The following FLYWCH1 variants were observed in gnomAD, a reference collection of about 807,000 sequenced individuals.
FLYWCH1 encodes the protein FLYWCH-type zinc finger-containing protein 1.
FLYWCH1 carries 75 observed loss-of-function variants against 66.4 expected under a neutral mutation model. The observed-to-expected ratio is 1.13, with a 90% CI of 0.94 to 1.37. FLYWCH1 has a LOEUF of 1.37. Ranked by LOEUF, FLYWCH1 falls within the 40% of genes most tolerant of loss-of-function variation. The probability of loss-of-function intolerance (pLI) is 0.00; values close to 1 mark genes in which losing one functional copy is unlikely to be tolerated. For missense variants in FLYWCH1, 1,334 were observed against 1,001.8 expected (o/e 1.33, Z -4.48); for synonymous variants, 595 against 429.9 (o/e 1.38, Z -4.75).
At chr16:2,914,550 CTT>C (rs1007046035) in intron 2 of FLYWCH1, among the ~76,000 whole-genome samples, 17 of 152,128 alleles carry the variant, frequency 1.1e-4, no homozygotes, top group African/African-American at 4.1e-4. Context: ...TGAACTGAGA[CTT>C]TGGAGCTTTC....
At chr16:2,919,373 C>T (rs2070287350) in intron 2 of FLYWCH1, among the ~76,000 whole-genome samples, 1 of 151,460 alleles carries the variant, frequency 6.6e-6, no homozygotes, top group Non-Finnish European at 1.5e-5. Flanking sequence ...TCAAGCGATT[C>T]TCCTGCCTCA....
Position 2,948,974 on chromosome 16 carries a change from G to A in FLYWCH1, c.*247G>A, listed in dbSNP as rs561698612. 1.6e-3 allele frequency: 844 copies of A among 524,348 alleles called. 1 individual carries two copies. Among genetic ancestry groups the A allele is most frequent in the Middle Eastern group, 0.013 (24 of 1,884 alleles). The allele number at this position is 524,348 out of a possible 1,614,324, so 32.5% of individuals were successfully genotyped here. A position where few individuals can be genotyped will look rare whatever the true frequency, so the allele number is the denominator to read the frequency against. On this transcript the variant is annotated 3_prime_UTR_variant, in exon 10 of 10. Transcript: ENST00000253928. Reference sequence around the variant, plus strand: ...AGCTGTCGTGGGGCAGGGCGGTGGCGCCTTCCTGACCTTTGGAAGACATGA... The same window carrying A: ...AGCTGTCGTGGGGCAGGGCGGTGGCACCTTCCTGACCTTTGGAAGACATGA...
At chr16:2,941,460 C>T (rs1274413705) in intron 9 of FLYWCH1, among the ~76,000 whole-genome samples, 1 of 152,062 alleles carries the variant, frequency 6.6e-6, no homozygotes, top group East Asian at 1.9e-4. Flanking sequence ...CTGCCAAAAA[C>T]TCAGCCAGTC....
At position 2,930,464 on chromosome 16, in the gene FLYWCH1, T is replaced by C; in HGVS notation, c.380T>C (p.Val127Ala). The part of the protein sequence containing the change: ...LRTPFGGRLL[V>A]LESFLYKQEK... ...ACACCATTCGGGGGCCGCCTCCTGG[T>C]GCTGGAGTCCTTCCTGTACAAGCAG... is the stretch of plus-strand genomic sequence containing the variant. Residue 127 changes from valine (V) to alanine (A), a missense_variant, in exon 4 of 10, where the codon GTG becomes GCG. Val to Ala is a moderately conservative substitution (Grantham distance 64, BLOSUM62 0). Coordinates refer to ENST00000253928, the MANE Select transcript of FLYWCH1 (RefSeq NM_001308068.2). 2 of 1,509,590 alleles carry C rather than the reference T, an allele frequency of 1.3e-6. No homozygotes were observed. The highest frequency in any genetic ancestry group is 1.8e-6 in the Non-Finnish European group (2 of 1,131,790). The allele number at this position is 1,509,590 out of a possible 1,614,324, so 93.5% of individuals were successfully genotyped here. A position where few individuals can be genotyped will look rare whatever the true frequency, so the allele number is the denominator to read the frequency against.
rs543447250 is a variant in FLYWCH1, at chr16:2,921,830, A to G, written c.-74+7541A>G. ...TGTAATCCCAGCACTTTGGGAGGCC[A>G]AGACAGGCAGATCATGAGGTCGGAA... On this transcript the variant is annotated intron_variant, in intron 2 of 9. Transcript: ENST00000253928. Among the ~76,000 whole-genome samples the G allele has an allele frequency of 2.0e-5, 3 of 152,162 alleles. No homozygotes were observed. The South Asian group carries it at 6.2e-4, about 32-fold the overall frequency.
At chr16:2,924,253 C>G (rs1310060175) in intron 2 of FLYWCH1, among the ~76,000 whole-genome samples, 1 of 151,896 alleles carries the variant, frequency 6.6e-6, no homozygotes, top group Non-Finnish European at 1.5e-5. Context: ...TGGCGTGAAC[C>G]CGGGAGGCGG....
intron 2 of FLYWCH1, chr16:2,922,401 C>T (rs2070405246): frequency 1.1e-5 from 2 of 187,648 alleles, no homozygotes; most frequent in Admixed American, 5.6e-5. Flanking sequence ...ATTGTTCATC[C>T]GTCACCACCG....
intron 2 of FLYWCH1, among the ~76,000 whole-genome samples, chr16:2,926,869 G>A (rs1417346061): frequency 2.0e-5 from 3 of 152,150 alleles, no homozygotes; most frequent in Admixed American, 6.5e-5. Flanking sequence ...CTCCTCCCGT[G>A]GTTCAGATAC....
Position 2,933,181 on chromosome 16 carries a change from T to G in FLYWCH1, c.848T>G (p.Leu283Arg), listed in dbSNP as rs2077734691. 6.2e-7 allele frequency: 1 copy of G among 1,613,694 alleles called. No homozygotes were observed. Among genetic ancestry groups the G allele is most frequent in the African/African-American group, 1.3e-5 (1 of 74,954 alleles). The change falls in exon 5 of 10, where the codon CTG becomes CGG. Residue 283 changes from leucine (L) to arginine (R), a missense_variant. By Grantham distance (102) the Leu-to-Arg change is moderately radical (BLOSUM62 -2). Coordinates refer to ENST00000253928, the MANE Select transcript of FLYWCH1 (RefSeq NM_001308068.2). ...FLRTCYGGSF[L>R]VHESFLYKRE... Reference sequence around the variant, plus strand: ...AGGACGTGCTACGGGGGCAGCTTCCTGGTACACGAGTCGTTCCTCTACAAG... The same window carrying G: ...AGGACGTGCTACGGGGGCAGCTTCCGGGTACACGAGTCGTTCCTCTACAAG...
rs550428106 is a variant in FLYWCH1 at position 2,951,048 on chromosome 16, G to A, written c.*2321G>A. 4 of 152,428 alleles carry A rather than the reference G, an allele frequency of 2.6e-5. No homozygotes were observed. The highest frequency in any genetic ancestry group is 9.6e-5 in the African/African-American group (4 of 41,586). 9.4% of individuals were successfully genotyped at this position (152,428 alleles called of 1,614,324 possible). On this transcript the variant is annotated 3_prime_UTR_variant, in exon 10 of 10. Coordinates refer to ENST00000253928, the MANE Select transcript of FLYWCH1 (RefSeq NM_001308068.2). ...GCGTGCAGCCCGGCAGCAGCTCAGCGGGGCAGCTCCTGCTTCCAGCCCTGC... is the reference window on the plus strand; with the variant it reads ...GCGTGCAGCCCGGCAGCAGCTCAGCAGGGCAGCTCCTGCTTCCAGCCCTGC...
Position 2,930,810 on chromosome 16 carries a change from G to A in FLYWCH1, c.726G>A (p.Glu242=). ...PGLVLSKPAL[E]EEEAPRALSL... ...TGGTGCTGAGCAAGCCGGCCCTGGA[G>A]GAGGAGGAGGCACCCCGAGCCCTGT... is the stretch of plus-strand genomic sequence containing the variant. The change falls in exon 4 of 10, where the codon GAG becomes GAA. Residue 242 remains glutamate (E), a synonymous_variant. Transcript: ENST00000253928. 1 of 1,602,642 alleles carries A rather than the reference G, an allele frequency of 6.2e-7. No individual in the cohort carries two copies. The highest frequency in any genetic ancestry group is 8.5e-7 in the Non-Finnish European group (1 of 1,177,912).
chr16:2,941,947 A>G (rs1466055246), intron 9 of FLYWCH1, among the ~76,000 whole-genome samples: 1 of 128,384 alleles, frequency 7.8e-6, no homozygotes, highest in Non-Finnish European at 1.6e-5. Context: ...CAGTGAGTCG[A>G]GATTGCGCCA....
At chr16:2,945,983 C>T (rs550990300) in intron 9 of FLYWCH1, among the ~76,000 whole-genome samples, 2 of 151,852 alleles carry the variant, frequency 1.3e-5, no homozygotes, top group South Asian at 2.1e-4. Context: ...GGCAACAGAG[C>T]GAGACTCCAT....
At chr16:2,934,755 C>T (rs1410829113) in intron 6 of FLYWCH1, 2 of 437,122 alleles carry the variant, frequency 4.6e-6, no homozygotes, top group Non-Finnish European at 9.2e-6. Flanking sequence ...AGAGACAGTG[C>T]TGCGAGGTCC....
chr16:2,926,343 A>G (rs904746574), intron 2 of FLYWCH1, among the ~76,000 whole-genome samples: 3 of 152,198 alleles, frequency 2.0e-5, no homozygotes, highest in African/African-American at 7.2e-5. Flanking sequence ...GGCCATTATT[A>G]AAGCAGCTTT....
Position 2,938,187 on chromosome 16 carries a change from C to T in FLYWCH1, c.1781C>T (p.Pro594Leu). Residue 594 changes from proline to leucine, a missense_variant, in exon 8 of 10, where the codon CCT (proline) becomes CTT (leucine). Pro to Leu is a moderately conservative substitution (Grantham distance 98). Transcript: ENST00000253928. ...PNLAQWDSPD[P>L]LRPLEFLRTS... ...ACAGTGTCACTTTCCCTTTCAGATC[C>T]TCTCCGGCCCCTGGAGTTCCTGAGG... 3 of 1,611,812 alleles carry T rather than the reference C, an allele frequency of 1.9e-6. No individual in the cohort carries two copies. Among genetic ancestry groups the T allele is most frequent in the East Asian group, 2.2e-5 (1 of 44,832 alleles).
intron 2 of FLYWCH1, among the ~76,000 whole-genome samples, chr16:2,916,643 A>G (rs538890610): frequency 1.1e-4 from 16 of 152,160 alleles, no homozygotes; most frequent in African/African-American, 3.6e-4. Flanking sequence ...TCTCAAAAAA[A>G]CAAAACAAAA....
At chr16:2,944,840 T>G (rs1459953668) in intron 9 of FLYWCH1, among the ~76,000 whole-genome samples, 1 of 108,982 alleles carries the variant, frequency 9.2e-6, no homozygotes. Context: ...AAAAAAATTT[T>G]TTTTAACTGT....
chr16:2,946,002 A>G (rs954231693), intron 9 of FLYWCH1, among the ~76,000 whole-genome samples: 4 of 142,474 alleles, frequency 2.8e-5, no homozygotes, highest in Middle Eastern at 3.6e-3. Context: ...ATGTCAAAAA[A>G]TAAATAAATA....
Sources: allele counts gnomAD v4.1 joint callset (sites outside exome capture counted in the v4.1 genomes callset), GRCh38; gene constraint gnomAD v4.1.1; transcripts MANE v1.5; gene names NCBI Gene and HGNC (gene_info 2026-07-23, HGNC 2026-07-21).